Variants in NDRG2 observed in about 807,000 individuals in gnomAD.
NDRG2 encodes protein NDRG2.
Under a neutral mutation model 58.2 loss-of-function variants are expected in NDRG2, and 34 were observed. The ratio of observed to expected loss-of-function variants is 0.58; its 90% confidence interval spans 0.44 to 0.78. The LOEUF (loss-of-function observed/expected upper bound fraction) is 0.78. Among genes scored for constraint, NDRG2 ranks in the 30% least tolerant of loss-of-function variants. The probability of loss-of-function intolerance (pLI) is 0.00; values close to 1 mark genes in which losing one functional copy is unlikely to be tolerated. For missense variants in NDRG2, 434 were observed against 471.2 expected (o/e 0.92, Z 0.73); for synonymous variants, 187 against 175.9 (o/e 1.06, Z -0.50).
intron 1 of NDRG2, among the ~76,000 whole-genome samples, chr14:21,039,149 G>A (rs1283980324): frequency 1.3e-5 from 2 of 152,120 alleles, no homozygotes; most frequent in East Asian, 1.9e-4. Flanking sequence ...ATCCAGGCCC[G>A]GCCCTCCTCT....
rs375709473 is a variant in NDRG2, at chr14:21,017,569, G to A, written c.*27C>T. 6.9e-4 allele frequency: 1,106 copies of A among 1,606,124 alleles called. No individual in the cohort carries two copies. Among genetic ancestry groups the A allele is most frequent in the Middle Eastern group, 1.7e-3 (10 of 5,814 alleles). On this transcript the variant is annotated 3_prime_UTR_variant, in exon 16 of 16. Transcript: ENST00000556147. Reference sequence around the variant, plus strand: ...TAGCTCTGGGGGAGGTGAGGGCTGGGTCCCACTCTAGGGCAACAAGGGCCA... The same window carrying A: ...TAGCTCTGGGGGAGGTGAGGGCTGGATCCCACTCTAGGGCAACAAGGGCCA...
upstream of NDRG2, chr14:21,030,656 GAAC>G (rs775924588): frequency 5.8e-5 from 94 of 1,613,988 alleles, 3 homozygotes; most frequent in South Asian, 5.9e-4. Context: ...GCACTGAAAT[GAAC>G]AACAAGAACT....
At position 21,070,039 on chromosome 14, in the gene NDRG2, G is replaced by A. The variant is rs1173502505; in HGVS notation, c.24+789C>T. Among the ~76,000 whole-genome samples, 1 of 152,204 alleles carries A rather than the reference G, an allele frequency of 6.6e-6. No homozygotes were observed. The highest frequency in any genetic ancestry group is 1.5e-5 in the Non-Finnish European group (1 of 68,026). On this transcript the variant is annotated intron_variant, in intron 1 of 14. Coordinates refer to the NDRG2 transcript ENST00000403829. The surrounding 1 kb of genome is among the most constrained non-coding windows in gnomAD (Gnocchi z 4.7). ...GGCTGGGCGGGCCTCCGAGGGTCAG[G>A]GTCGAGGTTACCCGCTGGAGGGCGG...
intron 1 of NDRG2, chr14:21,033,967 G>T (rs1884434514): frequency 6.2e-7 from 1 of 1,613,890 alleles, no homozygotes; most frequent in Non-Finnish European, 8.5e-7. Flanking sequence ...ACCGTGATGG[G>T]GAGGGAATCC....
At chr14:21,034,573 T>TGAGAGACTCTTCCCAAGAGTCCTTGGGC (rs1884491446) in intron 1 of NDRG2, 2 of 375,592 alleles carry the variant, frequency 5.3e-6, no homozygotes, top group African/African-American at 4.1e-5. Flanking sequence ...GGTCCTTGGG[T>TGAGAGACTCTTCCCAAGAGTCCTTGGGC]GAGAGACTCT....
At position 21,022,080 on chromosome 14, in the gene NDRG2, G is replaced by C. The variant is rs1335343992; in HGVS notation, c.326C>G (p.Ala109Gly). 1 of 1,614,108 alleles carries C rather than the reference G, an allele frequency of 6.2e-7. No individual in the cohort carries two copies. Among genetic ancestry groups the C allele is most frequent in the Admixed American group, 1.7e-5 (1 of 60,022 alleles). ...HVDAPGMEEG[A>G]PVFPLGYQYP... ...CTCTTACCCCAAAGGGAACACAGGG[G>C]CTCCCTCTTCCATTCCAGGGGCATC... Residue 109 changes from alanine (A) to glycine (G), a missense_variant, in exon 5 of 16, where the codon GCC (alanine) becomes GGC (glycine). Transcript: ENST00000556147.
chr14:21,034,227 A>T (rs926250843), intron 1 of NDRG2: 6 of 1,614,154 alleles, frequency 3.7e-6, no homozygotes, highest in Non-Finnish European at 5.1e-6. Flanking sequence ...CTTGATGTCC[A>T]TGACCAGAGT....
upstream of NDRG2, chr14:21,030,491 A>G (rs1884001520): frequency 1.5e-6 from 2 of 1,332,320 alleles, no homozygotes; most frequent in African/African-American, 2.9e-5. Context: ...TTACCATAAC[A>G]CTCATCCTCA....
chr14:21,039,311 G>C (rs922435607), intron 1 of NDRG2, among the ~76,000 whole-genome samples: 1 of 152,242 alleles, frequency 6.6e-6, no homozygotes, highest in Non-Finnish European at 1.5e-5. Flanking sequence ...CTAAGGAGAA[G>C]CTGGGCCAAC....
intron 1 of NDRG2, among the ~76,000 whole-genome samples, chr14:21,054,696 C>A (rs138699678): frequency 4.6e-5 from 7 of 152,314 alleles, no homozygotes; most frequent in African/African-American, 1.7e-4. Flanking sequence ...CCCGGCCCTG[C>A]CACTTACTAA....
chr14:21,060,346 C>CA (rs1444082367), intron 1 of NDRG2, among the ~76,000 whole-genome samples: 1 of 152,158 alleles, frequency 6.6e-6, no homozygotes, highest in Non-Finnish European at 1.5e-5. Flanking sequence ...CCATCACTAC[C>CA]ACTATGCTGC....
chr14:21,020,293 CAA>C (rs11325826), intron 8 of NDRG2: 29,406 of 381,246 alleles, frequency 0.077, no homozygotes, highest in Middle Eastern at 0.093. Context: ...GACACCATCT[CAA>C]AAAAAAAAAA....
At chr14:21,032,612 G>T (rs1272128648) in intron 1 of NDRG2, 3 of 345,194 alleles carry the variant, frequency 8.7e-6, no homozygotes, top group Non-Finnish European at 1.7e-5. Flanking sequence ...CAGAGCTGGG[G>T]TAAGGGGAGA....
At position 21,066,511 on chromosome 14, in the gene NDRG2, G is replaced by A. The variant is rs371483125; in HGVS notation, c.24+4317C>T. Among the ~76,000 whole-genome samples, 12 of 152,256 alleles carry A rather than the reference G, an allele frequency of 7.9e-5. No homozygotes were observed. In the East Asian group the frequency reaches 1.4e-3, roughly 17 times the overall value. On this transcript the variant is annotated intron_variant, in intron 1 of 14. Coordinates refer to the NDRG2 transcript ENST00000403829. ...ATTTTTGTATTTTTAGTAGAGACAG[G>A]GTTTCACCATGTTGGGGTTTCCCCA...
At chr14:21,038,331 G>A (rs916620134) in intron 1 of NDRG2, among the ~76,000 whole-genome samples, 3 of 152,194 alleles carry the variant, frequency 2.0e-5, no homozygotes, top group African/African-American at 7.2e-5. Flanking sequence ...AATGTAACGG[G>A]TGGTCCTCAT....
chr14:21,022,901 G>C lies in NDRG2; in HGVS notation c.80C>G (p.Ala27Gly), dbSNP rs776802886. ...CAGGAGGATTCGGGCAGCTAACTCA[G>C]CCTCCTGGAGAGACACACACGGATT... ...PGQTPEAAKE[A>G]ELAARILLDQ... The change falls in exon 3 of 16, where the codon GCT (alanine) becomes GGT (glycine). Residue 27 changes from alanine (A) to glycine (G), a missense_variant. By Grantham distance (60) the Ala-to-Gly change is moderately conservative (BLOSUM62 0). Transcript: ENST00000556147. 1 of 1,614,052 alleles carries C rather than the reference G, an allele frequency of 6.2e-7. No homozygotes were observed. Among genetic ancestry groups the C allele is most frequent in the Non-Finnish European group, 8.5e-7 (1 of 1,179,972 alleles).
chr14:21,046,722 C>T (rs1885182269), intron 1 of NDRG2: 2 of 152,124 alleles, frequency 1.3e-5, no homozygotes, highest in Admixed American at 1.3e-4. Context: ...TATTGATCAC[C>T]TGAAGCCTTA....
intron 1 of NDRG2, among the ~76,000 whole-genome samples, chr14:21,056,414 G>A (rs2139146064): frequency 6.6e-6 from 1 of 152,226 alleles, no homozygotes; most frequent in Non-Finnish European, 1.5e-5. Context: ...TTTGTAAACA[G>A]AAGTAAAAAT....
intron 1 of NDRG2, among the ~76,000 whole-genome samples, chr14:21,066,100 A>G (rs974811436): frequency 5.3e-5 from 8 of 152,234 alleles, no homozygotes; most frequent in African/African-American, 1.9e-4. Flanking sequence ...CTTTTTTTCA[A>G]CAATAACAAC....
Sources: allele counts gnomAD v4.1 joint callset (sites outside exome capture counted in the v4.1 genomes callset), GRCh38; gene constraint gnomAD v4.1.1; non-coding constraint Gnocchi (gnomAD v3.1); transcripts MANE v1.5; gene names NCBI Gene and HGNC (gene_info 2026-07-23, HGNC 2026-07-21).